Variants in NAALADL2 observed in about 807,000 individuals in gnomAD.
NAALADL2 encodes the protein inactive N-acetylated-alpha-linked acidic dipeptidase-like protein 2.
Under a neutral mutation model 87.2 loss-of-function variants are expected in NAALADL2, and 76 were observed. That is an observed-to-expected ratio of 0.87 (90% CI 0.72 to 1.05). The LOEUF is 1.05. NAALADL2 is among the 50% of genes least tolerant of loss of function. The pLI is 0.00. For synonymous variants in NAALADL2, 354 were observed against 331.0 expected (o/e 1.07, Z -0.75); for missense variants, 1,089 against 945.8 (o/e 1.15, Z -1.99).
chr3:175,354,334 A>C (rs1448586848), intron 5 of NAALADL2, among the ~76,000 whole-genome samples: 1 of 152,190 alleles, frequency 6.6e-6, no homozygotes, highest in African/African-American at 2.4e-5. Flanking sequence ...TAGATTCAAA[A>C]ATCAAGTGAA....
intron 3 of NAALADL2, among the ~76,000 whole-genome samples, chr3:174,838,600 G>C (rs1347890846): frequency 1.3e-5 from 2 of 152,130 alleles, no homozygotes; most frequent in East Asian, 3.9e-4. Flanking sequence ...AAACTCTAAA[G>C]ACTACTCCGG....
At chr3:175,375,408 C>A (rs1281651081) in intron 5 of NAALADL2, among the ~76,000 whole-genome samples, 5 of 152,048 alleles carry the variant, frequency 3.3e-5, no homozygotes, top group Admixed American at 2.0e-4. Flanking sequence ...GTTGTGTCTG[C>A]CAACTTATCA....
At chr3:175,199,400 C>T (rs1473811893) in intron 2 of NAALADL2, among the ~76,000 whole-genome samples, 1 of 151,998 alleles carries the variant, frequency 6.6e-6, no homozygotes, top group African/African-American at 2.4e-5. Context: ...TTCTTGATAC[C>T]ATGCTTTACT....
In NAALADL2 at chr3:175,214,217, G is replaced by GT. The variant is rs1742175993; in HGVS notation, c.546-19713dup. 2.0e-5 allele frequency among the ~76,000 whole-genome samples: 3 copies of GT among 152,058 alleles called. No individual in the cohort carries two copies. In the South Asian group the frequency reaches 6.2e-4, roughly 32 times the overall value. ...AGCATTTTTACCTAATAAATCAATG[G>GT]TATTCAACTTATAGTTTACATGAAA... On this transcript the variant is annotated intron_variant, in intron 2 of 13. Coordinates refer to ENST00000454872, the MANE Select transcript of NAALADL2 (RefSeq NM_207015.3).
At chr3:175,749,757 T>C (rs1746394147) in intron 12 of NAALADL2, among the ~76,000 whole-genome samples, 1 of 152,208 alleles carries the variant, frequency 6.6e-6, no homozygotes, top group Non-Finnish European at 1.5e-5. Flanking sequence ...AGGTAAAATG[T>C]AGTTTGTGCT....
intron 1 of NAALADL2, among the ~76,000 whole-genome samples, chr3:175,016,389 T>C (rs1394464702): frequency 1.3e-5 from 2 of 151,048 alleles, no homozygotes; most frequent in Admixed American, 6.6e-5. Flanking sequence ...GAAAGATGCT[T>C]AGGATATATT....
chr3:174,898,498 G>T (rs1731898387), intron 1 of NAALADL2, among the ~76,000 whole-genome samples: 1 of 152,092 alleles, frequency 6.6e-6, no homozygotes, highest in South Asian at 2.1e-4. Context: ...ATAATGTGAA[G>T]AATATAATTC....
At chr3:174,742,265 T>C (rs1303991000) in intron 3 of NAALADL2, among the ~76,000 whole-genome samples, 2 of 151,854 alleles carry the variant, frequency 1.3e-5, no homozygotes, top group East Asian at 3.9e-4. Flanking sequence ...ACCATAGTTT[T>C]CCTCGGGATG....
At chr3:174,582,511 G>A (rs1346796693) in intron 2 of NAALADL2, among the ~76,000 whole-genome samples, 1 of 152,152 alleles carries the variant, frequency 6.6e-6, no homozygotes, top group African/African-American at 2.4e-5. Flanking sequence ...TATAGAAACT[G>A]TAGTTTCTGA....
chr3:174,838,660 A>G (rs1242616369), intron 3 of NAALADL2, among the ~76,000 whole-genome samples: 1 of 152,226 alleles, frequency 6.6e-6, no homozygotes, highest in African/African-American at 2.4e-5. Flanking sequence ...CAGATACAAA[A>G]TTAATGTTCA....
chr3:175,354,619 T>A (rs537987367), intron 5 of NAALADL2, among the ~76,000 whole-genome samples: 1 of 152,164 alleles, frequency 6.6e-6, no homozygotes, highest in African/African-American at 2.4e-5. Flanking sequence ...TTCATTAGAT[T>A]TGAATTATTT....
At chr3:174,865,147 T>C (rs998816944) in intron 1 of NAALADL2, among the ~76,000 whole-genome samples, 2 of 152,036 alleles carry the variant, frequency 1.3e-5, no homozygotes, top group Non-Finnish European at 2.9e-5. Context: ...ACCTGCCTCT[T>C]TAAACCCCTG....
intron 3 of NAALADL2, among the ~76,000 whole-genome samples, chr3:174,821,474 TTTA>T (rs1217414284): frequency 2.0e-5 from 3 of 152,162 alleles, no homozygotes; most frequent in Admixed American, 2.0e-4. Context: ...CTAGAGGAGT[TTTA>T]TTATATATAT....
chr3:175,132,083 G>C lies in NAALADL2; in HGVS notation c.545+34792G>C, dbSNP rs532404484. Among the ~76,000 whole-genome samples the C allele has an allele frequency of 3.6e-5, 5 of 138,288 alleles. 2 individuals carry two copies. The East Asian group carries it at 9.2e-4, about 26-fold the overall frequency. The allele number at this position is 138,288 out of a possible 152,430, so 90.7% of individuals were successfully genotyped here. A position where few individuals can be genotyped will look rare whatever the true frequency, so the allele number is the denominator to read the frequency against. On this transcript the variant is annotated intron_variant, in intron 2 of 13. Coordinates refer to ENST00000454872, the MANE Select transcript of NAALADL2 (RefSeq NM_207015.3). ...CCAGTAGGGGCGGCTGGCCAGGCGG[G>C]GGGCTGATTCCACCACCTCCCGCCC...
chr3:174,753,073 T>G (rs1734992927), intron 3 of NAALADL2, among the ~76,000 whole-genome samples: 1 of 152,200 alleles, frequency 6.6e-6, no homozygotes, highest in African/African-American at 2.4e-5. Flanking sequence ...TGCTAACAAA[T>G]TTACCTTCTT....
intron 5 of NAALADL2, among the ~76,000 whole-genome samples, chr3:175,339,410 C>A (rs1762357096): frequency 6.6e-6 from 1 of 152,160 alleles, no homozygotes; most frequent in Non-Finnish European, 1.5e-5. Context: ...AGATTTCTAT[C>A]ACTGGAAGGG....
chr3:174,655,898 A>G (rs944045685), intron 2 of NAALADL2, among the ~76,000 whole-genome samples: 1 of 152,218 alleles, frequency 6.6e-6, no homozygotes, highest in Non-Finnish European at 1.5e-5. Context: ...AGTGTGTGTT[A>G]AAATCTTTAG....
chr3:174,800,902 A>C (rs1389355183), intron 3 of NAALADL2, among the ~76,000 whole-genome samples: 1 of 152,162 alleles, frequency 6.6e-6, no homozygotes, highest in African/African-American at 2.4e-5. Flanking sequence ...ATGGACTTGC[A>C]TGGGGCTTGT....
At chr3:175,724,678 A>C (rs1250600091) in intron 11 of NAALADL2, among the ~76,000 whole-genome samples, 1 of 152,090 alleles carries the variant, frequency 6.6e-6, no homozygotes, top group Non-Finnish European at 1.5e-5. Flanking sequence ...TCAAAAGAAC[A>C]ATCTATTTAT....
Sources: gnomAD v4.1 joint callset for allele counts (sites outside exome capture counted in the v4.1 genomes callset) on GRCh38, gnomAD v4.1.1 for gene constraint, MANE v1.5 for transcripts, NCBI Gene and HGNC (gene_info 2026-07-23, HGNC 2026-07-21) for gene names.